The following FAM174A variants were observed in gnomAD, a reference collection of about 807,000 sequenced individuals.
FAM174A encodes membrane protein FAM174A.
Under a neutral mutation model 14.3 loss-of-function variants are expected in FAM174A, and 14 were observed. The observed-to-expected ratio is 0.98, with a 90% CI of 0.65 to 1.53. FAM174A has a LOEUF of 1.53. Ranked by LOEUF, FAM174A falls within the 40% of genes most tolerant of loss-of-function variation. The pLI is 0.00. For missense variants in FAM174A, 241 were observed against 249.6 expected, an observed-to-expected ratio of 0.97 and a Z score of 0.23; for synonymous variants, 108 against 111.4, an observed-to-expected ratio of 0.97 and a Z score of 0.19.
At chr5:100,560,230 C>G (rs962271561) in intron 1 of FAM174A, among the ~76,000 whole-genome samples, 4 of 152,078 alleles carry the variant, frequency 2.6e-5, no homozygotes, top group African/African-American at 9.7e-5. Flanking sequence ...CCCTGTTTGC[C>G]TGGGTTTTTT....
At chr5:100,559,658 T>C (rs1420655047) in intron 1 of FAM174A, among the ~76,000 whole-genome samples, 1 of 152,086 alleles carries the variant, frequency 6.6e-6, no homozygotes, top group Admixed American at 6.6e-5. Context: ...TTTTTATTCT[T>C]TTTTCTCTAA....
At chr5:100,585,800 GA>G (rs1227132900) in intron 2 of FAM174A, among the ~76,000 whole-genome samples, 17 of 151,838 alleles carry the variant, frequency 1.1e-4, no homozygotes, top group Admixed American at 1.1e-3. Flanking sequence ...TATATTTATT[GA>G]AAAAAATCTG....
intron 2 of FAM174A, among the ~76,000 whole-genome samples, chr5:100,580,525 T>A (rs1428453065): frequency 6.6e-6 from 1 of 152,200 alleles, no homozygotes; most frequent in Non-Finnish European, 1.5e-5. Context: ...GAGAAAGATG[T>A]AGGCTGGGAG....
chr5:100,565,918 G>A (rs1313658103), intron 2 of FAM174A, among the ~76,000 whole-genome samples: 1 of 151,412 alleles, frequency 6.6e-6, no homozygotes, highest in Non-Finnish European at 1.5e-5. Flanking sequence ...TGGCAGGCAA[G>A]AGAGCATGTG....
At chr5:100,571,672 G>GTGTGTATATA (rs1554047761) in intron 2 of FAM174A, among the ~76,000 whole-genome samples, 1 of 136,646 alleles carries the variant, frequency 7.3e-6, no homozygotes, top group African/African-American at 2.7e-5. Context: ...GTGTGTGTGT[G>GTGTGTATATA]TATATATATA....
Position 100,563,266 on chromosome 5 carries a change from A to G in FAM174A, c.569+1078A>G, listed in dbSNP as rs1322636191. ...TCTGTTCTTCAGGCACTCACTTTCA[A>G]TTAAAGACGCATATAAGATGAAAGA... On this transcript the variant is annotated intron_variant, in intron 2 of 2. Transcript: ENST00000312637. Among the ~76,000 whole-genome samples, 4 of 151,824 alleles carry G rather than the reference A, an allele frequency of 2.6e-5. No homozygotes were observed. The South Asian group carries it at 8.3e-4, about 31-fold the overall frequency.
rs1018461831 is a variant in FAM174A, at chr5:100,547,277, G to C, written c.434+11313G>C. Reference sequence around the variant, plus strand: ...GTTTTTCTGAGGACTAGGGACAGTGGACATGACAGATTGCATGATATGTCT... The same window carrying C: ...GTTTTTCTGAGGACTAGGGACAGTGCACATGACAGATTGCATGATATGTCT... On this transcript the variant is annotated intron_variant, in intron 1 of 2. Coordinates refer to ENST00000312637, the MANE Select transcript of FAM174A (RefSeq NM_198507.3). Among the ~76,000 whole-genome samples, 34 of 152,088 alleles carry C rather than the reference G, an allele frequency of 2.2e-4. 1 individual carries two copies. Among genetic ancestry groups the C allele is most frequent in the Admixed American group, 2.0e-3 (31 of 15,248 alleles).
chr5:100,580,740 A>G (rs1746995071), intron 2 of FAM174A, among the ~76,000 whole-genome samples: 1 of 152,170 alleles, frequency 6.6e-6, no homozygotes, highest in African/African-American at 2.4e-5. Flanking sequence ...ACTCAGTATT[A>G]ACCATCACAC....
chr5:100,574,018 A>T (rs981643585), intron 2 of FAM174A, among the ~76,000 whole-genome samples: 1 of 152,106 alleles, frequency 6.6e-6, no homozygotes, highest in South Asian at 2.1e-4. Context: ...AACCTGTTTT[A>T]AACTCTCTGA....
At chr5:100,540,689 A>T (rs972726341) in intron 1 of FAM174A, among the ~76,000 whole-genome samples, 11 of 152,176 alleles carry the variant, frequency 7.2e-5, no homozygotes, top group East Asian at 1.9e-4. Flanking sequence ...TACCAAGATG[A>T]TGACATAACT....
intron 1 of FAM174A, among the ~76,000 whole-genome samples, chr5:100,549,517 T>G (rs1329868069): frequency 6.6e-6 from 1 of 152,030 alleles, no homozygotes; most frequent in African/African-American, 2.4e-5. Flanking sequence ...AGTGATTGTA[T>G]GTACTGAATT....
intron 2 of FAM174A, among the ~76,000 whole-genome samples, chr5:100,568,565 C>T (rs968761015): frequency 6.7e-6 from 1 of 149,116 alleles, no homozygotes; most frequent in African/African-American, 2.4e-5. Context: ...CAGTTTATCT[C>T]TCCTGGGTTC....
At chr5:100,558,784 T>G (rs1156348104) in intron 1 of FAM174A, among the ~76,000 whole-genome samples, 1 of 152,190 alleles carries the variant, frequency 6.6e-6, no homozygotes. Flanking sequence ...GTTTTCCATT[T>G]GCTTGGTAGA....
intron 1 of FAM174A, among the ~76,000 whole-genome samples, chr5:100,539,176 A>G (rs1746003141): frequency 6.6e-6 from 1 of 152,138 alleles, no homozygotes; most frequent in Admixed American, 6.5e-5. Context: ...CATGAAATTT[A>G]TTATGATAGC....
intron 2 of FAM174A, among the ~76,000 whole-genome samples, chr5:100,566,228 TA>T (rs968954860): frequency 5.7e-4 from 81 of 143,090 alleles, no homozygotes; most frequent in Non-Finnish European, 8.4e-4. Context: ...TATTCAGCCT[TA>T]AAAAAAAGAA....
At chr5:100,581,664 A>G (rs1031392569) in intron 2 of FAM174A, among the ~76,000 whole-genome samples, 6 of 152,210 alleles carry the variant, frequency 3.9e-5, no homozygotes, top group Admixed American at 2.6e-4. Context: ...GCCTTCTTCA[A>G]TATTACATTT....
chr5:100,564,983 T>C (rs1746611083), intron 2 of FAM174A, among the ~76,000 whole-genome samples: 1 of 151,872 alleles, frequency 6.6e-6, no homozygotes, highest in Admixed American at 6.6e-5. Flanking sequence ...CAAATTATTC[T>C]GACAAATAGA....
At chr5:100,559,208 G>A (rs1049861290) in intron 1 of FAM174A, among the ~76,000 whole-genome samples, 1 of 152,074 alleles carries the variant, frequency 6.6e-6, no homozygotes, top group Non-Finnish European at 1.5e-5. Flanking sequence ...GCTTAGTTTG[G>A]CTGGATATGA....
At chr5:100,547,565 A>C (rs1026116933) in intron 1 of FAM174A, among the ~76,000 whole-genome samples, 13 of 152,108 alleles carry the variant, frequency 8.5e-5, no homozygotes, top group African/African-American at 3.1e-4. Flanking sequence ...GAAGCTATGA[A>C]AAGTTAGTGA....
Sources: allele counts gnomAD v4.1 joint callset (sites outside exome capture counted in the v4.1 genomes callset), GRCh38; gene constraint gnomAD v4.1.1; transcripts MANE v1.5; gene names NCBI Gene and HGNC (gene_info 2026-07-23, HGNC 2026-07-21).